SNTG2: variants seen among roughly 807,000 people sequenced by gnomAD.
SNTG2 encodes syntrophin gamma 2.
Under a neutral mutation model 70.9 loss-of-function variants are expected in SNTG2, and 74 were observed. That is an observed-to-expected ratio of 1.04 (90% CI 0.86 to 1.27). The LOEUF is 1.27. Ranked by LOEUF, SNTG2 falls within the 50% of genes most tolerant of loss-of-function variation. SNTG2 has a pLI of 0.00. For missense variants in SNTG2, 717 were observed against 690.7 expected (o/e 1.04, Z -0.43); for synonymous variants, 278 against 273.8 (o/e 1.02, Z -0.15).
chr2:1,253,595 G>A lies in SNTG2; in HGVS notation c.1006-5775G>A, dbSNP rs181023323. On this transcript the variant is annotated intron_variant, in intron 12 of 16. Transcript: ENST00000308624. ...TAAAAGGTAAAGTCCTTCTTTGAAC[G>A]GTGGCTTTTGATCTCGTTCAAGATG... is the stretch of plus-strand genomic sequence containing the variant. Among the ~76,000 whole-genome samples, 15 of 152,302 alleles carry A rather than the reference G, an allele frequency of 9.8e-5. No homozygotes were observed. The East Asian group carries it at 2.7e-3, about 27-fold the overall frequency.
In SNTG2 at chr2:1,082,488, C is replaced by T. The variant is rs1664398970; in HGVS notation, c.73-1030C>T. Among the ~76,000 whole-genome samples, 4 of 152,334 alleles carry T rather than the reference C, an allele frequency of 2.6e-5. No individual in the cohort carries two copies. In the South Asian group the frequency reaches 8.3e-4, roughly 32 times the overall value. On this transcript the variant is annotated intron_variant, in intron 1 of 16. Transcript: ENST00000308624. ...GACCTCCCCGTCCGTGGGCCAGGCT[C>T]TGCCCTCATGTATGGCTCTGAATGT...
At chr2:1,122,182 G>T (rs978488096) in intron 4 of SNTG2, among the ~76,000 whole-genome samples, 4 of 152,108 alleles carry the variant, frequency 2.6e-5, no homozygotes, top group African/African-American at 7.2e-5. Context: ...AATATTCAAA[G>T]AAGAAATAAT....
At chr2:1,049,076 C>T (rs1487028688) in intron 1 of SNTG2, among the ~76,000 whole-genome samples, 5 of 152,064 alleles carry the variant, frequency 3.3e-5, no homozygotes, top group Non-Finnish European at 7.4e-5. Flanking sequence ...CTCCTAGTCC[C>T]CCTTCCCCAA....
intron 1 of SNTG2, among the ~76,000 whole-genome samples, chr2:977,641 C>G (rs62106766): frequency 0.079 from 11,952 of 152,204 alleles, 706 homozygotes; most frequent in South Asian, 0.21. Context: ...TAAGTCAGGT[C>G]TCATCCCCTT....
At position 1,080,155 on chromosome 2, in the gene SNTG2, G is replaced by A. The variant is rs1664191441; in HGVS notation, c.73-3363G>A. 2.7e-5 allele frequency among the ~76,000 whole-genome samples: 4 copies of A among 149,468 alleles called. No individual in the cohort carries two copies. In the South Asian group the frequency reaches 8.3e-4, roughly 31 times the overall value. On this transcript the variant is annotated intron_variant, in intron 1 of 16. Transcript: ENST00000308624. ...GGGGACAAGCGATGGCTTAGTGAAAGTCTGCAGCAAGAATGTGCTCAGATG... is the reference window on the plus strand; with the variant it reads ...GGGGACAAGCGATGGCTTAGTGAAAATCTGCAGCAAGAATGTGCTCAGATG...
rs76866117 is a variant in SNTG2, at chr2:954,636, C to G, written c.72+3568C>G. ...AATTCAGGAAGCCGAGGTTATCCTT[C>G]CTATTTCTGTATTAAATGCTAAGCT... On this transcript the variant is annotated intron_variant, in intron 1 of 16. Transcript: ENST00000308624. 7.4e-3 allele frequency among the ~76,000 whole-genome samples: 1,123 copies of G among 152,266 alleles called. 18 individuals carry two copies. The highest frequency in any genetic ancestry group is 0.026 in the African/African-American group (1,065 of 41,540).
intron 1 of SNTG2, among the ~76,000 whole-genome samples, chr2:993,597 A>G (rs924712984): frequency 7.9e-5 from 12 of 152,272 alleles, no homozygotes; most frequent in East Asian, 7.7e-4. Context: ...AGTGTCTCTG[A>G]TGTGATCATA....
chr2:1,279,699 A>G (rs1679437072), intron 14 of SNTG2, among the ~76,000 whole-genome samples: 1 of 152,128 alleles, frequency 6.6e-6, no homozygotes, highest in South Asian at 2.1e-4. Context: ...AGTTGGCTGG[A>G]GTAGGTGCTT....
intron 14 of SNTG2, among the ~76,000 whole-genome samples, chr2:1,286,935 G>A (rs1679788568): frequency 6.6e-6 from 1 of 152,212 alleles, no homozygotes; most frequent in South Asian, 2.1e-4. Context: ...CTCACTGAAG[G>A]AGGCAGACAT....
chr2:1,244,752 A>G (rs972176960), intron 11 of SNTG2, among the ~76,000 whole-genome samples: 3 of 151,168 alleles, frequency 2.0e-5, no homozygotes, highest in Non-Finnish European at 2.9e-5. Context: ...GCAATTTCCT[A>G]CATTTTCTAG....
At chr2:1,167,485 A>G (rs1670803551) in intron 7 of SNTG2, among the ~76,000 whole-genome samples, 1 of 141,368 alleles carries the variant, frequency 7.1e-6, no homozygotes, top group Admixed American at 6.9e-5. Context: ...GCAGAACTGA[A>G]GCCTAGAAGC....
chr2:1,213,018 G>C (rs1674147129), intron 9 of SNTG2, among the ~76,000 whole-genome samples: 1 of 152,116 alleles, frequency 6.6e-6, no homozygotes. Flanking sequence ...GCATCCTGTG[G>C]GTGTCCCCTC....
chr2:1,197,172 G>A (rs1572701585), intron 8 of SNTG2, among the ~76,000 whole-genome samples: 1 of 151,936 alleles, frequency 6.6e-6, no homozygotes, highest in Non-Finnish European at 1.5e-5. Flanking sequence ...ATACAGACTG[G>A]ATTAATAGGT....
At chr2:1,131,710 G>C (rs35942365) in intron 4 of SNTG2, among the ~76,000 whole-genome samples, 53,976 of 150,896 alleles carry the variant, frequency 0.36, 11,524 homozygotes, top group Non-Finnish European at 0.49. Flanking sequence ...GGAGTGCAGT[G>C]GTGTGATCTC....
chr2:1,179,959 A>C (rs1387784431), intron 8 of SNTG2, among the ~76,000 whole-genome samples: 3 of 139,002 alleles, frequency 2.2e-5, no homozygotes, highest in Non-Finnish European at 3.1e-5. Context: ...AAAAACAAGC[A>C]ATGGGGAAAG....
At chr2:1,154,459 CA>C (rs1190868751) in intron 6 of SNTG2, among the ~76,000 whole-genome samples, 1 of 152,144 alleles carries the variant, frequency 6.6e-6, no homozygotes, top group African/African-American at 2.4e-5. Flanking sequence ...GAAAGTTCTA[CA>C]TATATGTTGA....
intron 1 of SNTG2, among the ~76,000 whole-genome samples, chr2:982,670 C>A (rs764900485): frequency 6.6e-6 from 1 of 152,210 alleles, no homozygotes; most frequent in Non-Finnish European, 1.5e-5. Context: ...AAAGAAGCAG[C>A]GTGGACAGGA....
rs76654689 is a variant in SNTG2 at position 1,155,678 on chromosome 2, G to A, written c.412-9870G>A. Among the ~76,000 whole-genome samples the A allele has an allele frequency of 1.5e-4, 23 of 152,284 alleles. No homozygotes were observed. The East Asian group carries it at 3.5e-3, about 23-fold the overall frequency. ...TGCAAGTGCCTCTCCCATTGCTTGG[G>A]GGACCTGCTGCTGGGCAAAGCGGGG... is the stretch of plus-strand genomic sequence containing the variant. On this transcript the variant is annotated intron_variant, in intron 6 of 16. Coordinates refer to ENST00000308624, the MANE Select transcript of SNTG2 (RefSeq NM_018968.4).
chr2:1,313,812 G>A (rs566283850), intron 15 of SNTG2, among the ~76,000 whole-genome samples: 1 of 152,210 alleles, frequency 6.6e-6, no homozygotes, highest in South Asian at 2.1e-4. Context: ...AGAAGCTGAC[G>A]AGATCCTTGT....
Sources: allele counts gnomAD v4.1 joint callset (sites outside exome capture counted in the v4.1 genomes callset), GRCh38; gene constraint gnomAD v4.1.1; transcripts MANE v1.5; gene names NCBI Gene and HGNC (gene_info 2026-07-23, HGNC 2026-07-21).